The following GRM8 variants were observed in gnomAD, a reference collection of about 807,000 sequenced individuals.
GRM8 encodes glutamate metabotropic receptor 8.
GRM8 carries 47 observed loss-of-function variants against 87.2 expected under a neutral mutation model. That is an observed-to-expected ratio of 0.54 (90% CI 0.43 to 0.69). The LOEUF is 0.69. Ranked by LOEUF, GRM8 falls within the 30% of genes least tolerant of loss-of-function variation. The pLI is 0.00. For missense variants in GRM8, 1,019 were observed against 1,139.2 expected, an observed-to-expected ratio of 0.89 and a Z score of 1.52; for synonymous variants, 396 against 404.5, an observed-to-expected ratio of 0.98 and a Z score of 0.25.
chr7:126,911,306 G>C (rs1191505764), intron 3 of GRM8, among the ~76,000 whole-genome samples: 1 of 152,144 alleles, frequency 6.6e-6, no homozygotes, highest in Non-Finnish European at 1.5e-5. Flanking sequence ...GTGAGAGAAT[G>C]AGAAAAGTTA....
intron 2 of GRM8, among the ~76,000 whole-genome samples, chr7:127,181,786 G>C (rs1284151069): frequency 6.6e-6 from 1 of 152,026 alleles, no homozygotes; most frequent in African/African-American, 2.4e-5. Context: ...TAATTGGCTA[G>C]CCACATGGAG....
At chr7:126,471,703 A>G (rs1435395674) in intron 9 of GRM8, among the ~76,000 whole-genome samples, 24 of 151,878 alleles carry the variant, frequency 1.6e-4, no homozygotes, top group Non-Finnish European at 2.5e-4. Flanking sequence ...TGAACTTTAA[A>G]GTAGTTTCTT....
chr7:126,666,588 A>T (rs1176839626), intron 7 of GRM8, among the ~76,000 whole-genome samples: 1 of 152,140 alleles, frequency 6.6e-6, no homozygotes, highest in East Asian at 1.9e-4. Context: ...TCACACCCAA[A>T]ATAACATGTT....
At chr7:126,670,533 T>G (rs911552968) in intron 7 of GRM8, among the ~76,000 whole-genome samples, 1 of 152,238 alleles carries the variant, frequency 6.6e-6, no homozygotes, top group Non-Finnish European at 1.5e-5. Flanking sequence ...CCCTGGACAT[T>G]TTGTTATTCA....
intron 2 of GRM8, among the ~76,000 whole-genome samples, chr7:127,238,782 C>G (rs1402826671): frequency 6.6e-6 from 1 of 152,192 alleles, no homozygotes; most frequent in Non-Finnish European, 1.5e-5. Context: ...TAGGATGACA[C>G]CACTTCCCTC....
At chr7:126,817,771 C>A (rs1793925022) in intron 6 of GRM8, among the ~76,000 whole-genome samples, 1 of 151,986 alleles carries the variant, frequency 6.6e-6, no homozygotes, top group Non-Finnish European at 1.5e-5. Context: ...AGTCAATAAC[C>A]CACCTCAATG....
chr7:126,899,126 T>G (rs1214309500), intron 6 of GRM8, among the ~76,000 whole-genome samples: 1 of 151,792 alleles, frequency 6.6e-6, no homozygotes. Context: ...TGTGTGTGTG[T>G]GTGTGTGTAT....
rs1404286404 is a variant in GRM8 at position 127,251,503 on chromosome 7, G to T, written c.-312+1294C>A. Among the ~76,000 whole-genome samples the T allele has an allele frequency of 3.9e-5, 6 of 152,212 alleles. No homozygotes were observed. In the East Asian group the frequency reaches 5.8e-4, roughly 15 times the overall value. On this transcript the variant is annotated intron_variant, in intron 1 of 10. Coordinates refer to ENST00000339582, the MANE Select transcript of GRM8 (RefSeq NM_000845.3). ...TACCATAACAGCGACCACTCAGCCC[G>T]CCAGGAGCCCCTGTTTCCCAGCGCA...
chr7:126,699,262 A>G (rs1809685008), intron 7 of GRM8, among the ~76,000 whole-genome samples: 1 of 152,228 alleles, frequency 6.6e-6, no homozygotes, highest in Admixed American at 6.5e-5. Flanking sequence ...CAAAGCCATC[A>G]AAATTCACAG....
Position 126,806,968 on chromosome 7 carries a change from A to G in GRM8, c.1157-36903T>C, listed in dbSNP as rs76040815. Among the ~76,000 whole-genome samples the G allele has an allele frequency of 0.025, 3,769 of 152,270 alleles. 333 individuals carry two copies. In the East Asian group the frequency reaches 0.3, roughly 12 times the overall value. On this transcript the variant is annotated intron_variant, in intron 6 of 10. Transcript: ENST00000339582. ...CCCCCACAGCTCAGCGGTGGGCTGA[A>G]GGGCTCCTCGAGCGCGGCCAGAGCG...
intron 3 of GRM8, among the ~76,000 whole-genome samples, chr7:127,060,562 A>G (rs1374839086): frequency 6.6e-6 from 1 of 152,204 alleles, no homozygotes; most frequent in Non-Finnish European, 1.5e-5. Flanking sequence ...AATGGAATAC[A>G]GAAAATATAG....
chr7:127,136,616 A>G (rs1158062319), intron 2 of GRM8, among the ~76,000 whole-genome samples: 1 of 152,054 alleles, frequency 6.6e-6, no homozygotes, highest in Non-Finnish European at 1.5e-5. Flanking sequence ...AAGCTCAGCT[A>G]CAAACTTACC....
At chr7:126,910,348 AT>A (rs1453361468) in intron 3 of GRM8, among the ~76,000 whole-genome samples, 1 of 152,042 alleles carries the variant, frequency 6.6e-6, no homozygotes, top group African/African-American at 2.4e-5. Flanking sequence ...TGTCTTTCAA[AT>A]TTATCAGTAT....
intron 7 of GRM8, among the ~76,000 whole-genome samples, chr7:126,663,525 G>T (rs1805430912): frequency 6.6e-6 from 1 of 152,056 alleles, no homozygotes; most frequent in Non-Finnish European, 1.5e-5. Context: ...CACAGAAACA[G>T]AACTTTTTAA....
At chr7:126,447,462 C>G (rs1802139437) in intron 9 of GRM8, among the ~76,000 whole-genome samples, 1 of 151,844 alleles carries the variant, frequency 6.6e-6, no homozygotes, top group African/African-American at 2.4e-5. Context: ...CTATTTACAT[C>G]TCTGAATATG....
rs372086210 is a variant in GRM8, at chr7:126,998,500, GTAT to G, written c.728-93820_728-93818del. Among the ~76,000 whole-genome samples, 469 of 151,796 alleles carry G rather than the reference GTAT, an allele frequency of 3.1e-3. 2 individuals carry two copies. Among genetic ancestry groups the G allele is most frequent in the African/African-American group, 0.01 (429 of 41,502 alleles). ...ATCAAATTGTCCTTACTTGCAGATG[GTAT>G]TATATTATATTTGGTAAAGCCTAAA... On this transcript the variant is annotated intron_variant, in intron 3 of 10. Transcript: ENST00000339582.
intron 7 of GRM8, among the ~76,000 whole-genome samples, chr7:126,672,639 A>C (rs759977186): frequency 2.0e-5 from 3 of 152,194 alleles, no homozygotes; most frequent in Non-Finnish European, 4.4e-5. Context: ...CCAGAAGCAC[A>C]ACATGCTGGC....
At chr7:127,163,728 T>A (rs1732817901) in intron 2 of GRM8, among the ~76,000 whole-genome samples, 1 of 152,188 alleles carries the variant, frequency 6.6e-6, no homozygotes, top group East Asian at 1.9e-4. Flanking sequence ...AGCTAAGAGA[T>A]CATGATTTGG....
chr7:126,571,575 T>G (rs182307783), intron 8 of GRM8, among the ~76,000 whole-genome samples: 16 of 152,180 alleles, frequency 1.1e-4, no homozygotes, highest in African/African-American at 3.6e-4. Flanking sequence ...GCCCTTCCCA[T>G]AGGAACAAAT....
Sources: allele counts gnomAD v4.1 joint callset (sites outside exome capture counted in the v4.1 genomes callset), GRCh38; gene constraint gnomAD v4.1.1; transcripts MANE v1.5; gene names NCBI Gene and HGNC (gene_info 2026-07-23, HGNC 2026-07-21).